Variants in PRMT7 observed in about 807,000 individuals in gnomAD.
PRMT7 encodes protein arginine methyltransferase 7.
In PRMT7, 75 loss-of-function variants were observed where a neutral mutation model predicts 85.4. That is an observed-to-expected ratio of 0.88 (90% confidence interval 0.73 to 1.06). The LOEUF (loss-of-function observed/expected upper bound fraction) is 1.06, where lower values mean the gene tolerates loss of function less well. PRMT7 is among the 50% of genes least tolerant of loss of function. PRMT7 has a pLI of 0.00. For missense variants in PRMT7, 868 were observed against 915.2 expected (o/e 0.95, Z 0.67); for synonymous variants, 397 against 359.5 (o/e 1.10, Z -1.18).
intron 5 of PRMT7, among the ~76,000 whole-genome samples, chr16:68,327,398 A>G (rs556514569): frequency 6.6e-6 from 1 of 152,160 alleles, no homozygotes; most frequent in Non-Finnish European, 1.5e-5. Context: ...ATGTTCAGGG[A>G]AACTCGAAGA....
intron 5 of PRMT7, among the ~76,000 whole-genome samples, chr16:68,327,268 G>A (rs2083240918): frequency 6.6e-6 from 1 of 152,198 alleles, no homozygotes; most frequent in Non-Finnish European, 1.5e-5. Flanking sequence ...GTATCATTTT[G>A]TGGTTTCCAC....
At chr16:68,332,739 T>C (rs1446147927) in intron 6 of PRMT7, among the ~76,000 whole-genome samples, 1 of 152,214 alleles carries the variant, frequency 6.6e-6, no homozygotes, top group Non-Finnish European at 1.5e-5. Flanking sequence ...TCCTGTCTGT[T>C]TAACTCAGCA....
intron 16 of PRMT7, among the ~76,000 whole-genome samples, chr16:68,353,910 G>A (rs1035832837): frequency 3.9e-5 from 6 of 152,198 alleles, no homozygotes; most frequent in African/African-American, 1.4e-4. Context: ...CCCGGGAGGG[G>A]TACCTGAGGA....
At chr16:68,328,958 G>C in intron 5 of PRMT7, 108 bp from the exon 6 acceptor site, 1 of 713,062 alleles carries the variant, frequency 1.4e-6, no homozygotes, top group Non-Finnish European at 2.4e-6. Context: ...AAGTATTTAA[G>C]TTACATATCT....
intron 2 of PRMT7, among the ~76,000 whole-genome samples, chr16:68,312,482 C>T (rs570789559): frequency 6.6e-6 from 1 of 152,068 alleles, no homozygotes; most frequent in Non-Finnish European, 1.5e-5. Flanking sequence ...GATATCCTTG[C>T]GTCTCGGCCC....
Position 68,345,679 on chromosome 16 carries a change from G to T in PRMT7, c.932G>T (p.Arg311Leu). 6.2e-7 allele frequency: 1 copy of T among 1,612,218 alleles called. No individual in the cohort carries two copies. Among genetic ancestry groups the T allele is most frequent in the Non-Finnish European group, 8.5e-7 (1 of 1,179,862 alleles). ...TGACTCTGTTCTCCGTTTCAGTGGCGGGACCACTGGATGCAGTGTGTGTAC... is the reference window on the plus strand; with the variant it reads ...TGACTCTGTTCTCCGTTTCAGTGGCTGGACCACTGGATGCAGTGTGTGTAC... ...AHSDPEEMQWRDHWMQCVYFL... is the reference protein window; with the variant it reads ...AHSDPEEMQWLDHWMQCVYFL... Residue 311 changes from arginine to leucine, a missense_variant, in exon 10 of 19, where the codon CGG becomes CTG. Arg to Leu is a moderately radical substitution (Grantham distance 102). Coordinates refer to ENST00000441236, the MANE Select transcript of PRMT7 (RefSeq NM_019023.5).
At chr16:68,314,948 A>G (rs1045982428) in intron 2 of PRMT7, among the ~76,000 whole-genome samples, 1 of 152,152 alleles carries the variant, frequency 6.6e-6, no homozygotes, top group South Asian at 2.1e-4. Flanking sequence ...TGAATAGATA[A>G]GAAGTAATCA....
chr16:68,334,435 ACT>A, intron 6 of PRMT7, among the ~76,000 whole-genome samples: 1 of 145,822 alleles, frequency 6.9e-6, no homozygotes, highest in Non-Finnish European at 1.5e-5. Flanking sequence ...CCTTCTTGAA[ACT>A]CTCCCTGGAC....
intron 9 of PRMT7, among the ~76,000 whole-genome samples, chr16:68,340,504 C>T (rs955785620): frequency 6.6e-6 from 1 of 151,932 alleles, no homozygotes; most frequent in Non-Finnish European, 1.5e-5. Flanking sequence ...TTGCTTGAAC[C>T]CAGGAAGTTG....
At chr16:68,327,677 G>A (rs914239587) in intron 5 of PRMT7, among the ~76,000 whole-genome samples, 1 of 152,176 alleles carries the variant, frequency 6.6e-6, no homozygotes, top group Admixed American at 6.5e-5. Flanking sequence ...GCCAGGTGCG[G>A]TGGCTCACGC....
At chr16:68,344,158 G>T (rs558607815) in intron 9 of PRMT7, among the ~76,000 whole-genome samples, 2 of 152,274 alleles carry the variant, frequency 1.3e-5, no homozygotes, top group South Asian at 4.1e-4. Context: ...GTAGAAATGG[G>T]TGTCACTGGT....
intron 7 of PRMT7, among the ~76,000 whole-genome samples, chr16:68,338,140 A>G (rs1190645122): frequency 2.6e-5 from 4 of 152,126 alleles, no homozygotes; most frequent in Admixed American, 2.0e-4. Flanking sequence ...TTATGCAGGC[A>G]GATGTGTGGA....
chr16:68,328,924 T>G, intron 5 of PRMT7, 142 bp from the exon 6 acceptor site: 1 of 581,438 alleles, frequency 1.7e-6, no homozygotes, highest in Non-Finnish European at 3.0e-6. Context: ...TCAGCCCTTT[T>G]TCATGATGCA....
intron 6 of PRMT7, among the ~76,000 whole-genome samples, chr16:68,330,569 CAT>C (rs1286505979): frequency 6.6e-6 from 1 of 151,890 alleles, no homozygotes. Context: ...GAATCTGAAA[CAT>C]GTACAAAAGA....
At chr16:68,324,394 T>C (rs2082859651) in intron 4 of PRMT7, 1 of 418,960 alleles carries the variant, frequency 2.4e-6, no homozygotes, top group Non-Finnish European at 4.3e-6. Context: ...GGTCCCCCTT[T>C]TGGCTGTACC....
chr16:68,328,786 G>T (rs770414984), intron 5 of PRMT7, among the ~76,000 whole-genome samples: 2 of 152,058 alleles, frequency 1.3e-5, no homozygotes, highest in African/African-American at 4.8e-5. Context: ...GCTTTTTGGC[G>T]TCCTCTTGTG....
intron 15 of PRMT7, chr16:68,353,287 A>G: frequency 1.8e-6 from 2 of 1,126,362 alleles, no homozygotes; most frequent in Non-Finnish European, 2.4e-6. Context: ...GAGAGGACTC[A>G]GGTGTCACGT....
intron 3 of PRMT7, among the ~76,000 whole-genome samples, chr16:68,319,409 T>C (rs1219357324): frequency 6.6e-6 from 1 of 152,024 alleles, no homozygotes; most frequent in Non-Finnish European, 1.5e-5. Flanking sequence ...TGACATCAGC[T>C]GCAGGAGTGA....
At chr16:68,333,774 T>TA (rs1162057104) in intron 6 of PRMT7, among the ~76,000 whole-genome samples, 54 of 150,418 alleles carry the variant, frequency 3.6e-4, no homozygotes, top group East Asian at 3.3e-3. Context: ...GATTTCTTAT[T>TA]AAAAAAAAAA....
Sources: allele counts gnomAD v4.1 joint callset (sites outside exome capture counted in the v4.1 genomes callset), GRCh38; gene constraint gnomAD v4.1.1; transcripts MANE v1.5; gene names NCBI Gene and HGNC (gene_info 2026-07-23, HGNC 2026-07-21).